The following AKAP1 variants were observed in gnomAD, a reference collection of about 807,000 sequenced individuals.
AKAP1 encodes A-kinase anchor protein 1, mitochondrial.
In AKAP1, 32 loss-of-function variants were observed where a neutral mutation model predicts 79.8. That is an observed-to-expected ratio of 0.40 (90% CI 0.30 to 0.54). AKAP1 has a LOEUF of 0.54. AKAP1 is among the 20% of genes least tolerant of loss of function. AKAP1 has a pLI of 0.47. For synonymous variants in AKAP1, 416 were observed against 466.7 expected (o/e 0.89, Z 1.40); for missense variants, 961 against 1,138.9 (o/e 0.84, Z 2.25).
At chr17:57,112,054 A>G in intron 4 of AKAP1, 130 bp downstream of exon 4, 11 of 1,231,970 alleles carry the variant, frequency 8.9e-6, no homozygotes, top group African/African-American at 1.5e-5. Flanking sequence ...AGGGAGCATT[A>G]GGTATCTTCC....
At position 57,090,325 on chromosome 17, in the gene AKAP1, T is replaced by TAA. The variant is rs10647360; in HGVS notation, c.-25+4927_-25+4928insAA. On this transcript the variant is annotated intron_variant, in intron 1 of 10. Coordinates refer to ENST00000337714, the MANE Select transcript of AKAP1 (RefSeq NM_003488.4). The stretch of plus-strand genomic sequence containing the variant: ...CTGGCATATTAGTGGCTTTTTTTTT[T>TAA]CTGTGTCATTTTTATTCTCTGTCAG... 2.8e-4 allele frequency among the ~76,000 whole-genome samples: 42 copies of TAA among 151,220 alleles called. No individual in the cohort carries two copies. The East Asian group carries it at 7.0e-3, about 25-fold the overall frequency.
Position 57,086,364 on chromosome 17 carries a change from C to T in AKAP1, c.-25+966C>T, listed in dbSNP as rs991320393. ...GCCCTAGCTGAAGGTCTTCCTGTTTCCCTTCCAGGGAGGGATAGGAGAAGA... is the reference window on the plus strand; with the variant it reads ...GCCCTAGCTGAAGGTCTTCCTGTTTTCCTTCCAGGGAGGGATAGGAGAAGA... On this transcript the variant is annotated intron_variant, in intron 1 of 10. Transcript: ENST00000337714. The surrounding 1 kb of genome is among the most constrained non-coding windows in gnomAD (Gnocchi z 5.1). 1.2e-4 allele frequency: 55 copies of T among 450,226 alleles called. No individual in the cohort carries two copies. In the Middle Eastern group the frequency reaches 3.2e-3, roughly 27 times the overall value. The allele number at this position is 450,226 out of a possible 1,614,324, so 27.9% of individuals were successfully genotyped here.
intron 1 of AKAP1, among the ~76,000 whole-genome samples, chr17:57,097,781 C>CCAGT (rs1254196077): frequency 1.3e-5 from 2 of 152,234 alleles, no homozygotes; most frequent in Non-Finnish European, 2.9e-5. Flanking sequence ...TGTTCAAATT[C>CCAGT]CAGTGTAAAT....
chr17:57,106,750 C>T lies in AKAP1; in HGVS notation c.1286C>T (p.Ser429Leu), dbSNP rs756461688. 8.7e-6 allele frequency: 14 copies of T among 1,613,992 alleles called. No individual in the cohort carries two copies. In the Admixed American group the frequency reaches 1.2e-4, roughly 13 times the overall value. Residue 429 changes from serine to leucine, a missense_variant, in exon 2 of 11, where the codon TCA (serine) becomes TTA (leucine). Physicochemically the swap from Ser to Leu is moderately radical, Grantham distance 145. This residue lies in a region of AKAP1 where 629 missense variants were observed against 781.1 expected (regional missense o/e 0.81). Transcript: ENST00000337714. ...LPLPGLPAEG[S>L]PPPKTYVSCL... ...TTGCCAGGCCTACCAGCAGAGGGCT[C>T]ACCACCACCAAAGACCTACGTGAGC...
rs745899023 is a variant in AKAP1, at chr17:57,119,050, T to C, written c.2637+6T>C. On this transcript the variant is annotated splice_donor_region_variant and intron_variant, in intron 10 of 10. Transcript: ENST00000337714. ...GGAGTGTGGTTGGAGATGAAGTAAG[T>C]TCTGCCCTTCTTTTCCTTCTGTGTT... The C allele has an allele frequency of 6.2e-7, 1 of 1,613,330 alleles. No homozygotes were observed. The highest frequency in any genetic ancestry group is 8.5e-7 in the Non-Finnish European group (1 of 1,179,316).
Position 57,093,894 on chromosome 17 carries a change from C to G in AKAP1, c.-25+8496C>G, listed in dbSNP as rs545052583. Reference sequence around the variant, plus strand: ...GTGGGAGATAGGATTTAGCTCGTTCCTATGCTTTTTTCTTCCCTCATCATC... The same window carrying G: ...GTGGGAGATAGGATTTAGCTCGTTCGTATGCTTTTTTCTTCCCTCATCATC... On this transcript the variant is annotated intron_variant, in intron 1 of 10. Coordinates refer to ENST00000337714, the MANE Select transcript of AKAP1 (RefSeq NM_003488.4). The G allele has an allele frequency of 3.3e-5, 5 of 151,838 alleles. No homozygotes were observed. In the South Asian group the frequency reaches 6.2e-4, roughly 19 times the overall value. The allele number at this position is 151,838 out of a possible 1,614,324, so 9.4% of individuals were successfully genotyped here. A position where few individuals can be genotyped will look rare whatever the true frequency, so the allele number is the denominator to read the frequency against.
intron 1 of AKAP1, among the ~76,000 whole-genome samples, chr17:57,090,088 C>T (rs1033286111): frequency 2.0e-5 from 3 of 152,170 alleles, no homozygotes; most frequent in African/African-American, 7.2e-5. Flanking sequence ...CCATTCTTCA[C>T]AGAAGGTGTT....
Position 57,106,033 on chromosome 17 carries a change from G to C in AKAP1, c.569G>C (p.Arg190Pro). ...PGYPVVPAEK[R>P]SSGERARETG... Reference sequence around the variant, plus strand: ...TACCCCGTAGTCCCCGCAGAGAAGCGTAGCTCTGGGGAGAGGGCAAGAGAG... The same window carrying C: ...TACCCCGTAGTCCCCGCAGAGAAGCCTAGCTCTGGGGAGAGGGCAAGAGAG... Residue 190 changes from arginine to proline, a missense_variant, in exon 2 of 11, where the codon CGT becomes CCT. Around this residue, in one of 3 missense-constraint regions of AKAP1, gnomAD observed 224 missense variants for 210.2 expected, o/e 1.07. Coordinates refer to ENST00000337714, the MANE Select transcript of AKAP1 (RefSeq NM_003488.4). 1 of 1,613,176 alleles carries C rather than the reference G, an allele frequency of 6.2e-7. No individual in the cohort carries two copies. The highest frequency in any genetic ancestry group is 8.5e-7 in the Non-Finnish European group (1 of 1,179,720).
chr17:57,111,305 G>A (rs1169873879), intron 3 of AKAP1, among the ~76,000 whole-genome samples: 1 of 152,216 alleles, frequency 6.6e-6, no homozygotes, highest in Non-Finnish European at 1.5e-5. Flanking sequence ...CGGGAGCCCA[G>A]GGTTCTTAGA....
At chr17:57,089,081 C>T (rs935329275) in intron 1 of AKAP1, among the ~76,000 whole-genome samples, 3 of 152,160 alleles carry the variant, frequency 2.0e-5, no homozygotes, top group Non-Finnish European at 2.9e-5. Context: ...TGAAACCTGG[C>T]GGTGATTCTA....
chr17:57,116,129 C>T lies in AKAP1; in HGVS notation c.2300C>T (p.Ala767Val). 1 of 1,613,554 alleles carries T rather than the reference C, an allele frequency of 6.2e-7. No homozygotes were observed. The highest frequency in any genetic ancestry group is 8.5e-7 in the Non-Finnish European group (1 of 1,180,014). The change falls in exon 7 of 11, where the codon GCC becomes GTC. Residue 767 changes from alanine to valine, a missense_variant. This residue lies in a region of AKAP1 where 629 missense variants were observed against 781.1 expected (regional missense o/e 0.81). Transcript: ENST00000337714. The stretch of plus-strand genomic sequence containing the variant: ...CCTGCAGTAACGGTCATCTGTGCCG[C>T]CCCTGGTGCGGACGGGGCCTGGTGG... Reference protein sequence around the residue: ...TPVEITVICAAPGADGAWWRA... With the variant: ...TPVEITVICAVPGADGAWWRA...
intron 1 of AKAP1, among the ~76,000 whole-genome samples, chr17:57,098,023 A>G (rs1484556125): frequency 1.3e-5 from 2 of 152,252 alleles, no homozygotes; most frequent in East Asian, 3.8e-4. Context: ...TGTAGCCTGC[A>G]GTTACCAGGT....
At position 57,116,156 on chromosome 17, in the gene AKAP1, G is replaced by A. The variant is rs1915568665; in HGVS notation, c.2327G>A (p.Arg776Gln). Residue 776 changes from arginine to glutamine, a missense_variant, in exon 7 of 11, where the codon CGA becomes CAA. By Grantham distance (43) the Arg-to-Gln change is conservative. Coordinates refer to ENST00000337714, the MANE Select transcript of AKAP1 (RefSeq NM_003488.4). ...CCTGGTGCGGACGGGGCCTGGTGGC[G>A]AGCCCAAGTGGTTGCCTCCTACGAG... ...AAPGADGAWW[R>Q]AQVVASYEET... 2 of 1,614,036 alleles carry A rather than the reference G, an allele frequency of 1.2e-6. No homozygotes were observed. Among genetic ancestry groups the A allele is most frequent in the East Asian group, 2.2e-5 (1 of 44,878 alleles).
chr17:57,099,913 A>G (rs576403088), intron 1 of AKAP1, among the ~76,000 whole-genome samples: 1 of 152,162 alleles, frequency 6.6e-6, no homozygotes, highest in South Asian at 2.1e-4. Flanking sequence ...TTGGGTCTCT[A>G]CCTCACTGTA....
At chr17:57,115,428 G>T (rs1397861523) in intron 6 of AKAP1, among the ~76,000 whole-genome samples, 1 of 152,208 alleles carries the variant, frequency 6.6e-6, no homozygotes, top group East Asian at 1.9e-4. Flanking sequence ...CTCTCCAAGG[G>T]TCAGGACCCA....
chr17:57,099,137 T>C (rs2144675685), intron 1 of AKAP1, among the ~76,000 whole-genome samples: 1 of 152,084 alleles, frequency 6.6e-6, no homozygotes, highest in South Asian at 2.1e-4. Flanking sequence ...TGGCAATGGG[T>C]GCCCTTAGTG....
Position 57,105,522 on chromosome 17 carries a change from C to T in AKAP1, c.58C>T (p.Leu20Phe). The change falls in exon 2 of 11, where the codon CTC (leucine) becomes TTC (phenylalanine). Residue 20 changes from leucine to phenylalanine, a missense_variant. Around this residue, in one of 3 missense-constraint regions of AKAP1, gnomAD observed 108 missense variants for 147.6 expected, o/e 0.73. Coordinates refer to ENST00000337714, the MANE Select transcript of AKAP1 (RefSeq NM_003488.4). ...GGCATTGCCTGGGATGCTGGCGCTC[C>T]TCGGCTGGTGGTGGTTTTTCTCTCG... ...PLALPGMLAL[L>F]GWWWFFSRKK... 1.2e-6 allele frequency: 2 copies of T among 1,614,094 alleles called. No individual in the cohort carries two copies. Among genetic ancestry groups the T allele is most frequent in the Non-Finnish European group, 8.5e-7 (1 of 1,180,012 alleles).
At chr17:57,090,865 A>T (rs1913743322) in intron 1 of AKAP1, among the ~76,000 whole-genome samples, 2 of 152,206 alleles carry the variant, frequency 1.3e-5, no homozygotes, top group African/African-American at 4.8e-5. Flanking sequence ...TGAAAAAGAC[A>T]ATCCTGAAGT....
chr17:57,105,368 G>T, intron 1 of AKAP1, 73 bp from the exon 2 acceptor site: 1 of 1,418,512 alleles, frequency 7.0e-7, no homozygotes, highest in Non-Finnish European at 9.9e-7. Flanking sequence ...TGACTGTCTT[G>T]CATGTGCGGT....
Sources: allele counts gnomAD v4.1 joint callset (sites outside exome capture counted in the v4.1 genomes callset), GRCh38; gene constraint gnomAD v4.1.1; regional missense constraint gnomAD v4.1.1; non-coding constraint Gnocchi (gnomAD v3.1); transcripts MANE v1.5; gene names NCBI Gene and HGNC (gene_info 2026-07-23, HGNC 2026-07-21).